CDKL1: variants seen among roughly 807,000 people sequenced by gnomAD.
CDKL1 encodes the protein cyclin dependent kinase like 1.
Under a neutral mutation model 42.0 loss-of-function variants are expected in CDKL1, and 41 were observed. The ratio of observed to expected loss-of-function variants is 0.98; its 90% confidence interval spans 0.76 to 1.27. The LOEUF (loss-of-function observed/expected upper bound fraction) is 1.27, where lower values mean the gene tolerates loss of function less well. Among genes scored for constraint, CDKL1 ranks in the 50% most tolerant of loss-of-function variants. CDKL1 has a pLI of 0.00. For missense variants in CDKL1, 394 were observed against 428.4 expected (o/e 0.92, Z 0.71); for synonymous variants, 153 against 158.6 (o/e 0.96, Z 0.26).
chr14:50,379,331 T>C (rs2034835929), intron 2 of CDKL1, among the ~76,000 whole-genome samples: 1 of 152,236 alleles, frequency 6.6e-6, no homozygotes, highest in Middle Eastern at 3.4e-3. Context: ...CTGATTATGT[T>C]TCCTTGGAAG....
At chr14:50,393,653 C>A (rs1179474872) in intron 2 of CDKL1, among the ~76,000 whole-genome samples, 1 of 152,064 alleles carries the variant, frequency 6.6e-6, no homozygotes, top group Non-Finnish European at 1.5e-5. Flanking sequence ...CAGCCTAGTA[C>A]GTATTATGTG....
At chr14:50,397,249 T>A (rs2035443723), upstream of CDKL1, 1 of 1,366,572 alleles carries the variant, frequency 7.3e-7, no homozygotes, top group African/African-American at 1.5e-5. Flanking sequence ...TTTGGTCCCT[T>A]GGAGGCATCT....
Position 50,326,539 on chromosome 14 carries a change from G to A in CDKL1, c.*3535C>T. ...AACAGGATTTGCGTGCATTTCCCAT[G>A]ATCCTGCATTCTTGTGTTCTTGATA... On this transcript the variant is annotated 3_prime_UTR_variant, in exon 10 of 10. Coordinates refer to ENST00000395834, the MANE Select transcript of CDKL1 (RefSeq NM_004196.7). The A allele has an allele frequency of 1.0e-6, 1 of 985,436 alleles. No individual in the cohort carries two copies. The highest frequency in any genetic ancestry group is 5.2e-4 in the Middle Eastern group (1 of 1,914). 61.0% of individuals were successfully genotyped at this position (985,436 alleles called of 1,614,324 possible). A position where few individuals can be genotyped will look rare whatever the true frequency, so the allele number is the denominator to read the frequency against.
At chr14:50,335,599 C>T (rs1404757912) in intron 7 of CDKL1, 8 of 1,534,540 alleles carry the variant, frequency 5.2e-6, no homozygotes, top group Non-Finnish European at 7.0e-6. Context: ...GGCAGACAAA[C>T]AGGCCAGTTA....
intron 2 of CDKL1, among the ~76,000 whole-genome samples, chr14:50,369,610 A>G (rs375563242): frequency 5.5e-3 from 98 of 17,934 alleles, no homozygotes; most frequent in Admixed American, 0.029. Flanking sequence ...ACACACATGC[A>G]CACACACACA....
chr14:50,344,963 T>C (rs1481511421), intron 4 of CDKL1, 23 bp downstream of exon 4: 1 of 1,602,382 alleles, frequency 6.2e-7, no homozygotes, highest in Non-Finnish European at 8.5e-7. Flanking sequence ...TTGTTGCTTT[T>C]CAAAAGAGAT....
chr14:50,382,287 C>G (rs562753432), intron 2 of CDKL1, among the ~76,000 whole-genome samples: 40 of 152,154 alleles, frequency 2.6e-4, no homozygotes, highest in African/African-American at 7.9e-4. Flanking sequence ...CCCGTCTCTA[C>G]TAAAAATACA....
chr14:50,344,805 A>G (rs1042063676), intron 4 of CDKL1, among the ~76,000 whole-genome samples, 181 bp downstream of exon 4: 7 of 152,172 alleles, frequency 4.6e-5, no homozygotes, highest in African/African-American at 1.7e-4. Flanking sequence ...TGCATGTTTT[A>G]TATAACCTGA....
intron 2 of CDKL1, chr14:50,380,145 T>C (rs1393385169): frequency 5.7e-6 from 3 of 527,870 alleles, no homozygotes; most frequent in South Asian, 4.3e-5. Flanking sequence ...AGAGCCAATA[T>C]GGCAGAAAGG....
chr14:50,384,039 T>A (rs1361528652), intron 2 of CDKL1, among the ~76,000 whole-genome samples: 2 of 152,192 alleles, frequency 1.3e-5, no homozygotes, highest in African/African-American at 4.8e-5. Context: ...AAAAATAAAA[T>A]TCAACAGGTC....
At chr14:50,352,641 G>C (rs750926478) in intron 3 of CDKL1, among the ~76,000 whole-genome samples, 1 of 152,074 alleles carries the variant, frequency 6.6e-6, no homozygotes, top group South Asian at 2.1e-4. Context: ...AATATTAAGC[G>C]AAGAATAGAG....
chr14:50,351,906 A>T (rs1334869644), intron 3 of CDKL1, among the ~76,000 whole-genome samples: 1 of 152,242 alleles, frequency 6.6e-6, no homozygotes, highest in Non-Finnish European at 1.5e-5. Flanking sequence ...TAATGGGAAC[A>T]GTGAACATTA....
At chr14:50,350,456 C>A (rs2139424706) in intron 3 of CDKL1, among the ~76,000 whole-genome samples, 1 of 152,316 alleles carries the variant, frequency 6.6e-6, no homozygotes, top group African/African-American at 2.4e-5. Context: ...ATAAGCTCAA[C>A]CTTAATCTAT....
chr14:50,375,260 C>A (rs1437330669), intron 2 of CDKL1, among the ~76,000 whole-genome samples: 3 of 152,084 alleles, frequency 2.0e-5, no homozygotes, highest in Non-Finnish European at 4.4e-5. Flanking sequence ...ATAATATCCA[C>A]AAATCCATAC....
intron 2 of CDKL1, among the ~76,000 whole-genome samples, chr14:50,374,857 G>T (rs1376948256): frequency 6.6e-6 from 1 of 152,102 alleles, no homozygotes; most frequent in Non-Finnish European, 1.5e-5. Flanking sequence ...AGGAACCAGG[G>T]ATCCATGGAG....
At chr14:50,379,195 G>C (rs2034832434) in intron 2 of CDKL1, among the ~76,000 whole-genome samples, 1 of 152,194 alleles carries the variant, frequency 6.6e-6, no homozygotes, top group Non-Finnish European at 1.5e-5. Context: ...TTGAAGGTTG[G>C]GCTTTTAGTA....
chr14:50,339,416 A>T (rs929641952), intron 6 of CDKL1, among the ~76,000 whole-genome samples: 1 of 152,148 alleles, frequency 6.6e-6, no homozygotes, highest in African/African-American at 2.4e-5. Flanking sequence ...TATTAACTGA[A>T]TCCTGATAGG....
chr14:50,330,827 C>T (rs988313254), intron 9 of CDKL1: 2 of 152,208 alleles, frequency 1.3e-5, no homozygotes, highest in African/African-American at 4.8e-5. Flanking sequence ...TTCGGTATCC[C>T]TAAAAAGGGA....
intron 4 of CDKL1, chr14:50,343,067 A>C: frequency 7.6e-7 from 1 of 1,313,136 alleles, no homozygotes; most frequent in South Asian, 1.2e-5. Context: ...ATCTTAGAGA[A>C]AAGAACGTTT....
Sources: gnomAD v4.1 joint callset for allele counts (sites outside exome capture counted in the v4.1 genomes callset) on GRCh38, gnomAD v4.1.1 for gene constraint, MANE v1.5 for transcripts, NCBI Gene and HGNC (gene_info 2026-07-23, HGNC 2026-07-21) for gene names.